The following MOK variants were observed in gnomAD, a reference collection of about 807,000 sequenced individuals.
MOK encodes the protein MOK protein kinase.
In MOK, 59 loss-of-function variants were observed where a neutral mutation model predicts 54.2. That is an observed-to-expected ratio of 1.09 (90% confidence interval 0.88 to 1.35). MOK has a LOEUF of 1.35. Among genes scored for constraint, MOK ranks in the 40% most tolerant of loss-of-function variants. MOK has a pLI of 0.00. For synonymous variants in MOK, 210 were observed against 202.7 expected (o/e 1.04, Z -0.31); for missense variants, 517 against 526.2 (o/e 0.98, Z 0.17).
At chr14:102,282,033 A>G (rs955266321) in intron 2 of MOK, among the ~76,000 whole-genome samples, 1 of 152,208 alleles carries the variant, frequency 6.6e-6, no homozygotes, top group African/African-American at 2.4e-5. Flanking sequence ...AAAAAATGTC[A>G]AATTACCTCA....
chr14:102,273,997 G>A (rs1240009083), intron 2 of MOK, among the ~76,000 whole-genome samples: 5 of 150,462 alleles, frequency 3.3e-5, no homozygotes, highest in African/African-American at 4.9e-5. Flanking sequence ...TCACTCTGTC[G>A]CCCAGGCTGG....
rs765727739 is a variant in MOK, at chr14:102,250,859, G to C, written c.543C>G (p.Tyr181Ter). Residue 181 changes from tyrosine (Y) to a stop codon, truncating the protein, a stop_gained, in exon 7 of 12, where the codon TAC (tyrosine) becomes TAG (stop). Transcript: ENST00000361847. LOFTEE classifies it high-confidence loss of function. ...ECLLTDGFYT[Y>*]KMDLWSAGCV... ...AGCCGGCGCTCCACAGGTCCATCTT[G>C]TACGTGTAGAACCCATCAGTGAGGA... is the stretch of plus-strand genomic sequence containing the variant. 6.2e-7 allele frequency: 1 copy of C among 1,614,076 alleles called. No individual in the cohort carries two copies. Among genetic ancestry groups the C allele is most frequent in the Non-Finnish European group, 8.5e-7 (1 of 1,180,032 alleles).
chr14:102,252,024 G>A (rs1227693699), intron 4 of MOK, 29 bp from the exon 5 acceptor site: 2 of 1,190,792 alleles, frequency 1.7e-6, no homozygotes, highest in Non-Finnish European at 2.5e-6. Context: ...AGGCAAATAC[G>A]GTTACTGATG....
intron 7 of MOK, among the ~76,000 whole-genome samples, chr14:102,250,500 G>T (rs997168025): frequency 1.3e-5 from 2 of 152,000 alleles, no homozygotes; most frequent in African/African-American, 2.4e-5. Context: ...GGGAGGTTTG[G>T]CTCACCCCTC....
downstream of MOK, chr14:102,224,998 A>C (rs78136956): frequency 2.3e-3 from 813 of 351,622 alleles, 7 homozygotes; most frequent in African/African-American, 0.016. Context: ...GGAGGGCCCA[A>C]AACAGCTACA....
chr14:102,229,934 C>CGCCTCCT (rs1178987474), intron 10 of MOK: 7 of 417,836 alleles, frequency 1.7e-5, no homozygotes, highest in East Asian at 4.1e-5. Flanking sequence ...GTGGTGCCCA[C>CGCCTCCT]GCCTCCTGCC....
At position 102,232,422 on chromosome 14, in the gene MOK, G is replaced by A. The variant is rs1033285642; in HGVS notation, c.866+113C>T. The A allele has an allele frequency of 6.2e-6, 8 of 1,287,086 alleles. No homozygotes were observed. The highest frequency in any genetic ancestry group is 4.5e-5 in the African/African-American group (3 of 66,842). 79.7% of individuals were successfully genotyped at this position (1,287,086 alleles called of 1,614,324 possible). The stretch of plus-strand genomic sequence containing the variant: ...GACCACTCTTCAGGATAGAGAGCGC[G>A]ATTCCCAAGAACCAGGGACCCTCCA... On this transcript the variant is annotated intron_variant, in intron 9 of 11. Transcript: ENST00000361847. This position sits in a 1 kb window ranked among gnomAD's most constrained non-coding sequence, Gnocchi z 5.1.
At chr14:102,277,702 C>A (rs1357304463) in intron 2 of MOK, among the ~76,000 whole-genome samples, 2 of 151,792 alleles carry the variant, frequency 1.3e-5, no homozygotes, top group Non-Finnish European at 2.9e-5. Flanking sequence ...GAGGTGGACA[C>A]AAGAGCACAT....
chr14:102,241,003 T>C (rs886580490), intron 7 of MOK, among the ~76,000 whole-genome samples: 4 of 152,088 alleles, frequency 2.6e-5, no homozygotes, highest in Admixed American at 6.5e-5. Flanking sequence ...AACTCGATAA[T>C]GGTTCTAAAC....
chr14:102,283,798 C>T (rs963326053), intron 1 of MOK, among the ~76,000 whole-genome samples: 50 of 152,122 alleles, frequency 3.3e-4, no homozygotes, highest in African/African-American at 1.2e-3. Context: ...TGTGCCCTCC[C>T]TTGTATAGCA....
chr14:102,271,698 A>C (rs1343101730), intron 2 of MOK, among the ~76,000 whole-genome samples: 1 of 151,974 alleles, frequency 6.6e-6, no homozygotes, highest in African/African-American at 2.4e-5. Flanking sequence ...AACTGGGATT[A>C]CAGGCATGCA....
At chr14:102,298,799 C>G (rs568969428) in intron 1 of MOK, among the ~76,000 whole-genome samples, 2 of 152,210 alleles carry the variant, frequency 1.3e-5, no homozygotes, top group African/African-American at 2.4e-5. Context: ...TGGGTCCAGG[C>G]TGCTTTTATG....
intron 1 of MOK, among the ~76,000 whole-genome samples, chr14:102,297,689 A>G (rs923625507): frequency 6.6e-6 from 1 of 151,846 alleles, no homozygotes; most frequent in African/African-American, 2.4e-5. Context: ...GTGGAGGGAG[A>G]GGTGCAGGCG....
At chr14:102,242,788 G>C (rs921529565) in intron 7 of MOK, among the ~76,000 whole-genome samples, 17 of 152,086 alleles carry the variant, frequency 1.1e-4, no homozygotes, top group Non-Finnish European at 2.4e-4. Flanking sequence ...TATCCACCCT[G>C]TAGTGCTAAA....
In MOK at chr14:102,238,593, G is replaced by C. The variant is rs2065425782; in HGVS notation, c.591-4804C>G. 1 of 151,990 alleles carries C rather than the reference G, an allele frequency of 6.6e-6. No individual in the cohort carries two copies. The highest frequency in any genetic ancestry group is 2.1e-4 in the South Asian group (1 of 4,814). 9.4% of individuals were successfully genotyped at this position (151,990 alleles called of 1,614,324 possible). A position where few individuals can be genotyped will look rare whatever the true frequency, so the allele number is the denominator to read the frequency against. On this transcript the variant is annotated intron_variant, in intron 7 of 11. Transcript: ENST00000361847. This position sits in a 1 kb window ranked among gnomAD's most constrained non-coding sequence, Gnocchi z 4.8. ...TGCCTCCCTCCTCCTCATTACCCCTGCAGTCCAACCTCAGTACCCCCCACT... is the reference window on the plus strand; with the variant it reads ...TGCCTCCCTCCTCCTCATTACCCCTCCAGTCCAACCTCAGTACCCCCCACT...
At chr14:102,228,453 T>C (rs911045972), downstream of MOK, among the ~76,000 whole-genome samples, 1 of 152,006 alleles carries the variant, frequency 6.6e-6, no homozygotes, top group African/African-American at 2.4e-5. Context: ...TCCCAGCACT[T>C]TGGGAGGCCG....
chr14:102,260,100 C>T (rs143860718), intron 4 of MOK, among the ~76,000 whole-genome samples: 6,400 of 149,904 alleles, frequency 0.043, 153 homozygotes, highest in Middle Eastern at 0.066. Flanking sequence ...CGCTTGAACC[C>T]GGGAGGCGGA....
At chr14:102,239,493 C>T (rs2065525582) in intron 7 of MOK, among the ~76,000 whole-genome samples, 1 of 139,158 alleles carries the variant, frequency 7.2e-6, no homozygotes, top group East Asian at 1.9e-4. Flanking sequence ...ATCTCCTCTG[C>T]AAACAGGCAC....
chr14:102,299,102 G>A (rs1167249101), intron 1 of MOK, among the ~76,000 whole-genome samples: 1 of 151,786 alleles, frequency 6.6e-6, no homozygotes, highest in African/African-American at 2.4e-5. Context: ...GTGAGACCAA[G>A]AACCCACCAA....
Sources: allele counts gnomAD v4.1 joint callset (sites outside exome capture counted in the v4.1 genomes callset), GRCh38; gene constraint gnomAD v4.1.1; non-coding constraint Gnocchi (gnomAD v3.1); transcripts MANE v1.5; gene names NCBI Gene and HGNC (gene_info 2026-07-23, HGNC 2026-07-21).